EVI5L: variants seen among roughly 807,000 people sequenced by gnomAD.
The protein encoded by EVI5L is EVI5-like protein.
Under a neutral mutation model 106.1 loss-of-function variants are expected in EVI5L, and 30 were observed. The ratio of observed to expected loss-of-function variants is 0.28; its 90% confidence interval spans 0.21 to 0.38. The LOEUF is 0.38. EVI5L is among the 10% of genes least tolerant of loss of function. The pLI is 1.00. For missense variants in EVI5L, 809 were observed against 1,098.0 expected, an observed-to-expected ratio of 0.74 and a Z score of 3.72; for synonymous variants, 489 against 483.3, an observed-to-expected ratio of 1.01 and a Z score of -0.15.
chr19:7,853,798 A>T (rs1979383584), intron 10 of EVI5L, among the ~76,000 whole-genome samples: 1 of 152,144 alleles, frequency 6.6e-6, no homozygotes. Flanking sequence ...CCTCTGGGGA[A>T]AGATGGAGCA....
chr19:7,858,014 C>T lies in EVI5L; in HGVS notation c.1234-177C>T. Reference sequence around the variant, plus strand: ...CCAGGTGTCCTATTCCTGCCTGTCACCCACCCACGTCCCCAGGCCCAGTGG... The same window carrying T: ...CCAGGTGTCCTATTCCTGCCTGTCATCCACCCACGTCCCCAGGCCCAGTGG... On this transcript the variant is annotated intron_variant, in intron 12 of 19. Coordinates refer to ENST00000538904, the MANE Select transcript of EVI5L (RefSeq NM_001159944.3). The surrounding 1 kb of genome is among the most constrained non-coding windows in gnomAD (Gnocchi z 5.7). The T allele has an allele frequency of 1.5e-6, 1 of 683,958 alleles. No individual in the cohort carries two copies. The highest frequency in any genetic ancestry group is 2.4e-6 in the Non-Finnish European group (1 of 414,988). 42.4% of individuals were successfully genotyped at this position (683,958 alleles called of 1,614,324 possible).
chr19:7,832,895 C>T (rs888178534), intron 1 of EVI5L, among the ~76,000 whole-genome samples: 6 of 152,080 alleles, frequency 3.9e-5, no homozygotes, highest in African/African-American at 7.2e-5. Context: ...CCTCTGACAC[C>T]GGGTAGGAAG....
chr19:7,860,516 C>T (rs1979747429), intron 13 of EVI5L, 45 bp from the exon 14 acceptor site: 1 of 1,515,154 alleles, frequency 6.6e-7, no homozygotes, highest in South Asian at 1.2e-5. Context: ...CTGCCCATCC[C>T]CCAGCCATGG....
intron 5 of EVI5L, among the ~76,000 whole-genome samples, chr19:7,849,675 A>G (rs968956240): frequency 1.3e-5 from 2 of 152,088 alleles, no homozygotes; most frequent in Admixed American, 1.3e-4. Flanking sequence ...CCTCCAGAGA[A>G]ATCGGGAGGC....
At chr19:7,860,726 A>T (rs1369434259) in intron 14 of EVI5L, 37 bp downstream of exon 14, 3 of 1,535,370 alleles carry the variant, frequency 2.0e-6, no homozygotes, top group Non-Finnish European at 1.8e-6. Context: ...TGTCGGGGGG[A>T]CCCTGGGGCA....
intron 1 of EVI5L, among the ~76,000 whole-genome samples, chr19:7,832,896 G>A (rs1008806809): frequency 3.9e-5 from 6 of 152,134 alleles, no homozygotes; most frequent in South Asian, 4.1e-4. Flanking sequence ...CTCTGACACC[G>A]GGTAGGAAGA....
rs1456045008 is a variant in EVI5L, at chr19:7,845,384, G to T, written c.-47-1112G>T. On this transcript the variant is annotated intron_variant, in intron 1 of 19. Coordinates refer to ENST00000538904, the MANE Select transcript of EVI5L (RefSeq NM_001159944.3). The surrounding 1 kb of genome is among the most constrained non-coding windows in gnomAD (Gnocchi z 4.0). ...CCTTTCCTCTAGGGCCCCCTGCTAGGGGTCCCCTGGCCATCAGTCCCCACA... is the reference window on the plus strand; with the variant it reads ...CCTTTCCTCTAGGGCCCCCTGCTAGTGGTCCCCTGGCCATCAGTCCCCACA... Among the ~76,000 whole-genome samples the T allele has an allele frequency of 6.6e-6, 1 of 152,108 alleles. No individual in the cohort carries two copies. Among genetic ancestry groups the T allele is most frequent in the East Asian group, 1.9e-4 (1 of 5,186 alleles).
Position 7,864,102 on chromosome 19 carries a change from G to A in EVI5L, c.*400G>A, listed in dbSNP as rs537745377. On this transcript the variant is annotated 3_prime_UTR_variant, in exon 20 of 20. Coordinates refer to ENST00000538904, the MANE Select transcript of EVI5L (RefSeq NM_001159944.3). This position sits in a 1 kb window ranked among gnomAD's most constrained non-coding sequence, Gnocchi z 4.5. ...TCTGGGACAGGGGCGACATTGCTGG[G>A]AAGTGCTCAGGAGGTAGCCGAGGCC... 131 of 199,772 alleles carry A rather than the reference G, an allele frequency of 6.6e-4. 2 individuals are homozygous for A. In the South Asian group the frequency reaches 0.017, roughly 26 times the overall value. The allele number at this position is 199,772 out of a possible 1,614,324, so 12.4% of individuals were successfully genotyped here.
At chr19:7,831,337 T>G (rs1243090237) in intron 1 of EVI5L, among the ~76,000 whole-genome samples, 1 of 149,736 alleles carries the variant, frequency 6.7e-6, no homozygotes, top group African/African-American at 2.5e-5. Context: ...CCCAGGCATA[T>G]CTGCCCCTGC....
intron 1 of EVI5L, among the ~76,000 whole-genome samples, chr19:7,839,121 T>C (rs570482692): frequency 2.0e-4 from 30 of 151,744 alleles, no homozygotes; most frequent in East Asian, 7.8e-4. Flanking sequence ...GGTAACACAG[T>C]GAAACCCCAT....
rs1979364413 is a variant in EVI5L, at chr19:7,853,485, C to T, written c.1146+152C>T. 8.9e-6 allele frequency: 9 copies of T among 1,012,302 alleles called. No individual in the cohort carries two copies. In the South Asian group the frequency reaches 1.2e-4, roughly 14 times the overall value. 62.7% of individuals were successfully genotyped at this position (1,012,302 alleles called of 1,614,324 possible). On this transcript the variant is annotated intron_variant, in intron 10 of 19. Transcript: ENST00000538904. ...CGGACAGGCCTCCGCCCACCTGCGCCGTCCTTCACCTGTTAGGCCAGCTGT... is the reference window on the plus strand; with the variant it reads ...CGGACAGGCCTCCGCCCACCTGCGCTGTCCTTCACCTGTTAGGCCAGCTGT...
At chr19:7,860,413 A>C in intron 13 of EVI5L, 148 bp from the exon 14 acceptor site, 1 of 612,590 alleles carries the variant, frequency 1.6e-6, no homozygotes, top group Non-Finnish European at 2.7e-6. Flanking sequence ...GGCCCTGAGC[A>C]TCAGGGGGTC....
Position 7,853,067 on chromosome 19 carries a change from ACCGG to A in EVI5L, c.988-17_988-14del. ...GGGCCTGCATGTTGGTGACCAGGTGACCGGCTGTGTCCCCACAGTACTTCCAGAG... is the reference window on the plus strand; with the variant it reads ...GGGCCTGCATGTTGGTGACCAGGTGACTGTGTCCCCACAGTACTTCCAGAG... On this transcript the variant is annotated splice_polypyrimidine_tract_variant and intron_variant, in intron 8 of 19. Transcript: ENST00000538904. The A allele has an allele frequency of 4.3e-6, 7 of 1,613,414 alleles. No homozygotes were observed. The highest frequency in any genetic ancestry group is 5.9e-6 in the Non-Finnish European group (7 of 1,179,896).
At position 7,848,984 on chromosome 19, in the gene EVI5L, G is replaced by T. The variant is rs374122325; in HGVS notation, c.391G>T (p.Ala131Ser). The T allele has an allele frequency of 6.2e-7, 1 of 1,613,416 alleles. No individual in the cohort carries two copies. The highest frequency in any genetic ancestry group is 1.1e-5 in the South Asian group (1 of 91,090). The change falls in exon 4 of 20, where the codon GCC becomes TCC. Residue 131 changes from alanine to serine, a missense_variant. This residue lies in a region of EVI5L where 357 missense variants were observed against 588.1 expected (regional missense o/e 0.61). Transcript: ENST00000538904. This position sits in a 1 kb window ranked among gnomAD's most constrained non-coding sequence, Gnocchi z 4.8. ...CATCGTGTGGCAGCTTCTGTGCAGC[G>T]CCACGGACATGCCCGTCAAGAACCA... ...RAIVWQLLCS[A>S]TDMPVKNQYS...
At position 7,856,965 on chromosome 19, in the gene EVI5L, TC is replaced by T; in HGVS notation, c.1201-122del. The T allele has an allele frequency of 1.0e-6, 1 of 964,848 alleles. No homozygotes were observed. The highest frequency in any genetic ancestry group is 1.6e-6 in the Non-Finnish European group (1 of 617,450). The allele number at this position is 964,848 out of a possible 1,614,324, so 59.8% of individuals were successfully genotyped here. A position where few individuals can be genotyped will look rare whatever the true frequency, so the allele number is the denominator to read the frequency against. The stretch of plus-strand genomic sequence containing the variant: ...TGGTTCTCTGGTCTTCCCTCCTCTC[TC>T]CCCCGCTTCTAGAGATAGTCCACTG... On this transcript the variant is annotated intron_variant, in intron 11 of 19. Transcript: ENST00000538904. The surrounding 1 kb of genome is among the most constrained non-coding windows in gnomAD (Gnocchi z 6.6).
rs558560569 is a variant in EVI5L at position 7,843,476 on chromosome 19, G to A, written c.-47-3020G>A. On this transcript the variant is annotated intron_variant, in intron 1 of 19. Transcript: ENST00000538904. ...TGTGAGTGTGTGTGAGAATAGGCAT[G>A]GGTGTGTCAAGTGTGCATGTGTATA... Among the ~76,000 whole-genome samples, 3 of 149,230 alleles carry A rather than the reference G, an allele frequency of 2.0e-5. No homozygotes were observed. The East Asian group carries it at 5.9e-4, about 30-fold the overall frequency.
chr19:7,852,791 A>C, intron 8 of EVI5L: 1 of 363,046 alleles, frequency 2.8e-6, no homozygotes, highest in Non-Finnish European at 5.1e-6. Context: ...CAAGCTATTT[A>C]TTTCTCCCAC....
Position 7,845,564 on chromosome 19 carries a change from T to C in EVI5L, c.-47-932T>C, listed in dbSNP as rs527986387. Among the ~76,000 whole-genome samples the C allele has an allele frequency of 6.6e-6, 1 of 152,344 alleles. No homozygotes were observed. Among genetic ancestry groups the C allele is most frequent in the South Asian group, 2.1e-4 (1 of 4,822 alleles). On this transcript the variant is annotated intron_variant, in intron 1 of 19. Coordinates refer to ENST00000538904, the MANE Select transcript of EVI5L (RefSeq NM_001159944.3). The surrounding 1 kb of genome is among the most constrained non-coding windows in gnomAD (Gnocchi z 4.0). ...GCCACCCTTGAGGCTAGGTCCTGTATGATCTCAGTGTACGGAGGCTCAGAG... is the reference window on the plus strand; with the variant it reads ...GCCACCCTTGAGGCTAGGTCCTGTACGATCTCAGTGTACGGAGGCTCAGAG...
rs1473513100 is a variant in EVI5L at position 7,846,534 on chromosome 19, C to T, written c.-9C>T. On this transcript the variant is annotated 5_prime_UTR_variant, in exon 2 of 20. Transcript: ENST00000538904. ...CCAACCCCGCTCACGGCTAACAAGCCCACCCACCATGGCGAGCCCCACTCT... is the reference window on the plus strand; with the variant it reads ...CCAACCCCGCTCACGGCTAACAAGCTCACCCACCATGGCGAGCCCCACTCT... The T allele has an allele frequency of 6.2e-7, 1 of 1,604,688 alleles. No individual in the cohort carries two copies. The highest frequency in any genetic ancestry group is 8.5e-7 in the Non-Finnish European group (1 of 1,176,484).
Sources: allele counts gnomAD v4.1 joint callset (sites outside exome capture counted in the v4.1 genomes callset), GRCh38; gene constraint gnomAD v4.1.1; regional missense constraint gnomAD v4.1.1; non-coding constraint Gnocchi (gnomAD v3.1); transcripts MANE v1.5; gene names NCBI Gene and HGNC (gene_info 2026-07-23, HGNC 2026-07-21).